The following PRKAR1A variants were observed in gnomAD, a reference collection of about 807,000 sequenced individuals.
PRKAR1A encodes protein kinase cAMP-dependent type I regulatory subunit alpha, also known as cAMP-dependent protein kinase type I-alpha regulatory subunit.
Under a neutral mutation model 52.0 loss-of-function variants are expected in PRKAR1A, and 3 were observed. The ratio of observed to expected loss-of-function variants is 0.06; its 90% CI spans 0.03 to 0.15. The LOEUF (loss-of-function observed/expected upper bound fraction) is 0.15, where lower values mean the gene tolerates loss of function less well. Among genes scored for constraint, PRKAR1A ranks in the 10% least tolerant of loss-of-function variants. The probability of loss-of-function intolerance (pLI) is 1.00; values close to 1 mark genes in which losing one functional copy is unlikely to be tolerated. For missense variants in PRKAR1A, 240 were observed against 477.4 expected (o/e 0.50, Z 4.63); for synonymous variants, 188 against 168.4 (o/e 1.12, Z -0.90).
chr17:68,414,406 TG>T, the PRKAR1A span, among the ~76,000 whole-genome samples: 1 of 152,244 alleles, frequency 6.6e-6, no homozygotes, highest in Non-Finnish European at 1.5e-5. Flanking sequence ...ATTATCTTTT[TG>T]ATATGTTGTT....
At chr17:68,453,431 T>C in the PRKAR1A span, among the ~76,000 whole-genome samples, 1 of 148,442 alleles carries the variant, frequency 6.7e-6, no homozygotes, top group African/African-American at 2.6e-5. Context: ...CTTCATAACT[T>C]TATTTGTTTG....
chr17:68,513,475 A>G (rs1706297940), intron 1 of PRKAR1A, among the ~76,000 whole-genome samples: 1 of 152,248 alleles, frequency 6.6e-6, no homozygotes, highest in African/African-American at 2.4e-5. Context: ...TTTATTTCCC[A>G]GAATGTAATC....
chr17:68,504,953 G>A, the PRKAR1A span, among the ~76,000 whole-genome samples: 4 of 152,186 alleles, frequency 2.6e-5, no homozygotes, highest in African/African-American at 9.6e-5. Context: ...CACCTTCTAT[G>A]TACCCACACA....
chr17:68,465,142 C>T, the PRKAR1A span, among the ~76,000 whole-genome samples: 1 of 151,858 alleles, frequency 6.6e-6, no homozygotes, highest in South Asian at 2.1e-4. Flanking sequence ...CTGTGTTAGC[C>T]AGGATGGTCT....
the PRKAR1A span, among the ~76,000 whole-genome samples, chr17:68,493,946 G>C: frequency 6.6e-6 from 1 of 152,206 alleles, no homozygotes; most frequent in African/African-American, 2.4e-5. Context: ...GAGTGGAAAA[G>C]CATGAAGATA....
At chr17:68,461,246 G>A in the PRKAR1A span, among the ~76,000 whole-genome samples, 3 of 152,052 alleles carry the variant, frequency 2.0e-5, no homozygotes, top group Non-Finnish European at 4.4e-5. This position sits in a 1 kb window ranked among gnomAD's most constrained non-coding sequence, Gnocchi z 4.6. Flanking sequence ...AAACTTACTC[G>A]TAAGTAACTA....
downstream of PRKAR1A, chr17:68,536,755 ATTAT>A (rs1052644812): frequency 2.0e-5 from 9 of 453,670 alleles, no homozygotes; most frequent in South Asian, 4.7e-5. Flanking sequence ...CTTCGTTGTA[ATTAT>A]TTATTCTGTT....
chr17:68,457,948 G>A, the PRKAR1A span, among the ~76,000 whole-genome samples: 1,528 of 152,252 alleles, frequency 0.01, 23 homozygotes, highest in African/African-American at 0.035. Context: ...CGGCAACTGC[G>A]TCGGGGCCGC....
At chr17:68,470,146 G>A in the PRKAR1A span, among the ~76,000 whole-genome samples, 1 of 150,806 alleles carries the variant, frequency 6.6e-6, no homozygotes, top group Non-Finnish European at 1.5e-5. Flanking sequence ...GCAGTTGCGT[G>A]ACCTCGGCTC....
At chr17:68,476,624 A>C in the PRKAR1A span, among the ~76,000 whole-genome samples, 1 of 147,796 alleles carries the variant, frequency 6.8e-6, no homozygotes, top group Non-Finnish European at 1.5e-5. Context: ...CCTTCCCTCC[A>C]TCCTTCCCTC....
chr17:68,537,364 C>T (rs766934945), downstream of PRKAR1A: 1 of 1,366,096 alleles, frequency 7.3e-7, no homozygotes, highest in South Asian at 1.2e-5. The surrounding 1 kb of genome is among the most constrained non-coding windows in gnomAD (Gnocchi z 4.2). Context: ...CTGCTTCCTT[C>T]CTAGCTGACT....
In PRKAR1A at chr17:68,530,660, T is replaced by C. The variant is rs1415820639; in HGVS notation, c.*211T>C. On this transcript the variant is annotated 3_prime_UTR_variant, in exon 11 of 11. Coordinates refer to ENST00000589228, the MANE Select transcript of PRKAR1A (RefSeq NM_002734.5). ...ACAGTTAAATAAATAGAAAGAGTTC[T>C]ATGGAGACTTTGCTGTTACTGCTTC... 21 of 1,455,932 alleles carry C rather than the reference T, an allele frequency of 1.4e-5. No individual in the cohort carries two copies. The East Asian group carries it at 4.6e-4, about 32-fold the overall frequency. 90.2% of individuals were successfully genotyped at this position (1,455,932 alleles called of 1,614,324 possible).
At chr17:68,522,638 T>C (rs2085651680) in intron 2 of PRKAR1A, 118 bp from the exon 3 acceptor site, 2 of 1,161,508 alleles carry the variant, frequency 1.7e-6, no homozygotes, top group Admixed American at 4.0e-5. Context: ...TCCTCTTAAC[T>C]TACATTGTTA....
chr17:68,451,492 T>A, the PRKAR1A span, among the ~76,000 whole-genome samples: 1 of 152,344 alleles, frequency 6.6e-6, no homozygotes, highest in Admixed American at 6.5e-5. Context: ...GGCAGACAGC[T>A]GCCTCTGATG....
At chr17:68,530,083 G>T in intron 10 of PRKAR1A, 82 bp downstream of exon 10, 1 of 1,534,138 alleles carries the variant, frequency 6.5e-7, no homozygotes, top group Non-Finnish European at 9.0e-7. Flanking sequence ...CCATAATTTT[G>T]TCTTCTCCTG....
chr17:68,430,183 C>T, the PRKAR1A span: 25 of 1,600,712 alleles, frequency 1.6e-5, no homozygotes, highest in African/African-American at 1.1e-4. Context: ...GCACAGGCAA[C>T]GATGGGACTG....
Position 68,530,961 on chromosome 17 carries a change from A to G in PRKAR1A, c.*512A>G. ...AGTAGAAAGACATCTGCCTGTAATT[A>G]AACTAGTTTAAGGGTGGAAAAATGC... On this transcript the variant is annotated 3_prime_UTR_variant, in exon 11 of 11. Coordinates refer to ENST00000589228, the MANE Select transcript of PRKAR1A (RefSeq NM_002734.5). The G allele has an allele frequency of 9.2e-7, 1 of 1,085,590 alleles. No homozygotes were observed. The highest frequency in any genetic ancestry group is 1.1e-6 in the Non-Finnish European group (1 of 889,854). The allele number at this position is 1,085,590 out of a possible 1,614,324, so 67.2% of individuals were successfully genotyped here.
chr17:68,479,827 G>A, the PRKAR1A span, among the ~76,000 whole-genome samples: 4,590 of 152,300 alleles, frequency 0.03, 100 homozygotes, highest in Non-Finnish European at 0.046. Context: ...ACATGGCTGG[G>A]AAGGCCTCAG....
At chr17:68,510,680 C>G (rs2085252127), upstream of PRKAR1A, among the ~76,000 whole-genome samples, 1 of 152,192 alleles carries the variant, frequency 6.6e-6, no homozygotes, top group Non-Finnish European at 1.5e-5. Flanking sequence ...TCCTATCTGA[C>G]TGAGGCTCTT....
Sources: gnomAD v4.1 joint callset for allele counts (sites outside exome capture counted in the v4.1 genomes callset) on GRCh38, gnomAD v4.1.1 for gene constraint, Gnocchi (gnomAD v3.1) non-coding constraint, MANE v1.5 for transcripts, NCBI Gene and HGNC (gene_info 2026-07-23, HGNC 2026-07-21) for gene names.